The following KIF26B variants were observed in gnomAD, a reference collection of about 807,000 sequenced individuals.
The protein encoded by KIF26B is kinesin family member 26B, also known as kinesin-like protein KIF26B.
In KIF26B, 63 loss-of-function variants were observed where a neutral mutation model predicts 151.2. The ratio of observed to expected loss-of-function variants is 0.42; its 90% CI spans 0.34 to 0.51. The LOEUF (loss-of-function observed/expected upper bound fraction) is 0.51. Among genes scored for constraint, KIF26B ranks in the 20% least tolerant of loss-of-function variants. KIF26B has a pLI of 0.07. For missense variants in KIF26B, 2,813 were observed against 2,913.6 expected (o/e 0.97, Z 0.79); for synonymous variants, 1,357 against 1,262.1 (o/e 1.08, Z -1.59).
At chr1:245,397,678 A>G (rs1010910364) in intron 3 of KIF26B, among the ~76,000 whole-genome samples, 2 of 152,234 alleles carry the variant, frequency 1.3e-5, no homozygotes, top group African/African-American at 4.8e-5. Context: ...TAAGTGGCAT[A>G]GTTATGAGAT....
chr1:245,274,900 ACT>A, intron 2 of KIF26B, among the ~76,000 whole-genome samples: 1 of 152,304 alleles, frequency 6.6e-6, no homozygotes, highest in Non-Finnish European at 1.5e-5. Context: ...GAATTGCCAC[ACT>A]GTCTTCCAAA....
At chr1:245,183,734 A>G (rs1371981154) in intron 2 of KIF26B, among the ~76,000 whole-genome samples, 1 of 152,110 alleles carries the variant, frequency 6.6e-6, no homozygotes, top group Non-Finnish European at 1.5e-5. Flanking sequence ...CAGGTGTGAG[A>G]TGGACTCCAG....
intron 2 of KIF26B, among the ~76,000 whole-genome samples, chr1:245,212,001 C>T (rs903321154): frequency 1.5e-4 from 23 of 152,158 alleles, no homozygotes; most frequent in African/African-American, 4.8e-4. Context: ...GGAAGTGGTA[C>T]TCCCTCCAGC....
chr1:245,484,706 C>T (rs368255369), intron 4 of KIF26B, among the ~76,000 whole-genome samples: 1 of 150,514 alleles, frequency 6.6e-6, no homozygotes, highest in Admixed American at 6.6e-5. Context: ...TTCTCCTTCT[C>T]CTTCTTCTTT....
intron 4 of KIF26B, among the ~76,000 whole-genome samples, chr1:245,437,412 C>T (rs2103045063): frequency 6.6e-6 from 1 of 152,342 alleles, no homozygotes; most frequent in East Asian, 1.9e-4. Flanking sequence ...TTTTAGCTTT[C>T]ACACTAAAGA....
At chr1:245,504,764 C>G (rs1397479706) in intron 4 of KIF26B, among the ~76,000 whole-genome samples, 1 of 151,808 alleles carries the variant, frequency 6.6e-6, no homozygotes, top group African/African-American at 2.4e-5. Context: ...CTTCCTTCTC[C>G]TCTTAGTTAA....
chr1:245,366,092 C>T (rs1388037338), intron 2 of KIF26B, among the ~76,000 whole-genome samples: 1 of 152,220 alleles, frequency 6.6e-6, no homozygotes, highest in Non-Finnish European at 1.5e-5. Context: ...AACTAACTTT[C>T]TGTGGTAACA....
intron 9 of KIF26B, among the ~76,000 whole-genome samples, chr1:245,624,284 A>G (rs77807373): frequency 2.2e-4 from 6 of 26,784 alleles, no homozygotes; most frequent in South Asian, 1.1e-3. Flanking sequence ...GGAATATTTG[A>G]AAAAAAAAAA....
At chr1:245,425,209 G>A (rs1470261139) in intron 4 of KIF26B, among the ~76,000 whole-genome samples, 2 of 152,112 alleles carry the variant, frequency 1.3e-5, no homozygotes, top group African/African-American at 4.8e-5. Context: ...TGGAGTACAT[G>A]AAACCCAATA....
rs1660336432 is a variant in KIF26B at position 245,488,762 on chromosome 1, C to A, written c.1167-52005C>A. Among the ~76,000 whole-genome samples the A allele has an allele frequency of 6.6e-6, 1 of 152,156 alleles. No individual in the cohort carries two copies. Among genetic ancestry groups the A allele is most frequent in the Admixed American group, 6.5e-5 (1 of 15,282 alleles). ...ATTATCTCAAGGCACTGAAGGGCTGCTTCATTTGCATTTCAGACACTAAAA... is the reference window on the plus strand; with the variant it reads ...ATTATCTCAAGGCACTGAAGGGCTGATTCATTTGCATTTCAGACACTAAAA... On this transcript the variant is annotated intron_variant, in intron 4 of 14. Transcript: ENST00000407071. This position sits in a 1 kb window ranked among gnomAD's most constrained non-coding sequence, Gnocchi z 4.6.
intron 2 of KIF26B, among the ~76,000 whole-genome samples, chr1:245,200,000 G>A (rs980582520): frequency 2.6e-5 from 4 of 152,206 alleles, no homozygotes; most frequent in African/African-American, 4.8e-5. Context: ...GCAGCAAATC[G>A]AAAGGAACAT....
chr1:245,577,573 G>A (rs541382192), intron 5 of KIF26B, among the ~76,000 whole-genome samples: 1 of 151,758 alleles, frequency 6.6e-6, no homozygotes, highest in African/African-American at 2.4e-5. Flanking sequence ...TTGAACTCCA[G>A]GCGATGCTTC....
chr1:245,696,980 G>A (rs767825042), intron 12 of KIF26B, among the ~76,000 whole-genome samples: 8 of 152,110 alleles, frequency 5.3e-5, no homozygotes, highest in Non-Finnish European at 1.2e-4. Flanking sequence ...GCGTGGTAGC[G>A]GGCGCCTGTA....
intron 4 of KIF26B, among the ~76,000 whole-genome samples, chr1:245,464,463 G>A (rs752365934): frequency 6.6e-5 from 10 of 150,570 alleles, no homozygotes; most frequent in South Asian, 4.2e-4. Context: ...GTATGTGTGC[G>A]TGCGCGTGTG....
At chr1:245,296,201 T>C (rs113809375) in intron 2 of KIF26B, among the ~76,000 whole-genome samples, 2 of 151,430 alleles carry the variant, frequency 1.3e-5, no homozygotes, top group African/African-American at 4.9e-5. Flanking sequence ...TGGGCTAGGA[T>C]ATTTACCCAA....
chr1:245,522,102 C>A (rs917099033), intron 4 of KIF26B, among the ~76,000 whole-genome samples: 1 of 152,144 alleles, frequency 6.6e-6, no homozygotes, highest in Non-Finnish European at 1.5e-5. Context: ...ATCTCCTGAC[C>A]TCATGATCTG....
chr1:245,700,830 C>T (rs369651999), intron 14 of KIF26B, among the ~76,000 whole-genome samples: 6 of 152,216 alleles, frequency 3.9e-5, no homozygotes, highest in East Asian at 3.9e-4. Flanking sequence ...GCGTGACATG[C>T]GCACGGGGCG....
chr1:245,404,985 T>C (rs1674099542), intron 3 of KIF26B, among the ~76,000 whole-genome samples: 1 of 152,230 alleles, frequency 6.6e-6, no homozygotes, highest in Admixed American at 6.5e-5. Flanking sequence ...CTTAAAGCAT[T>C]CTTAATGGTA....
At chr1:245,343,781 G>A (rs1455718748) in intron 2 of KIF26B, among the ~76,000 whole-genome samples, 1 of 152,208 alleles carries the variant, frequency 6.6e-6, no homozygotes, top group Non-Finnish European at 1.5e-5. Context: ...CCTTCCACCT[G>A]TAAAGGAGAA....
Sources: allele counts gnomAD v4.1 joint callset (sites outside exome capture counted in the v4.1 genomes callset), GRCh38; gene constraint gnomAD v4.1.1; non-coding constraint Gnocchi (gnomAD v3.1); transcripts MANE v1.5; gene names NCBI Gene and HGNC (gene_info 2026-07-23, HGNC 2026-07-21).